APOL6: variants seen among roughly 807,000 people sequenced by gnomAD.
The protein encoded by APOL6 is apolipoprotein L6, also known as apolipoprotein L, 6.
APOL6 carries 1 observed loss-of-function variant against 2.4 expected under a neutral mutation model. The ratio of observed to expected loss-of-function variants is 0.41; its 90% confidence interval spans 0.15 to 1.94. The LOEUF is 1.94. Among genes scored for constraint, APOL6 ranks in the 30% most tolerant of loss-of-function variants. The pLI, the probability that APOL6 is intolerant of heterozygous loss-of-function variation, is 0.30. For synonymous variants in APOL6, 189 were observed against 169.3 expected (o/e 1.12, Z -0.90); for missense variants, 438 against 429.2 (o/e 1.02, Z -0.18).
Position 35,659,467 on chromosome 22 carries a change from AG to A in APOL6, c.907del (p.Val303TrpfsTer5), listed in dbSNP as rs1298203803. The stretch of plus-strand genomic sequence containing the variant: ...AGCAGAAAGTGAGGTCAAGGGCCAG[AG>A]GGGTGGGGAAGGATTTAACTGGGAC... ...LQQKVRSRAR[G>X]VGKDLTGTCE... On this transcript the variant is annotated frameshift_variant, in exon 3 of 3. Coordinates refer to ENST00000409652, the MANE Select transcript of APOL6 (RefSeq NM_030641.4). LOFTEE classifies it low-confidence loss of function (END_TRUNC). The A allele has an allele frequency of 4.3e-6, 7 of 1,609,596 alleles. No individual in the cohort carries two copies. Among genetic ancestry groups the A allele is most frequent in the Non-Finnish European group, 5.9e-6 (7 of 1,177,136 alleles).
intron 1 of APOL6, among the ~76,000 whole-genome samples, chr22:35,650,754 A>T (rs181172925): frequency 4.5e-4 from 68 of 152,014 alleles, no homozygotes; most frequent in African/African-American, 1.6e-3. Flanking sequence ...ACCTTGTGAA[A>T]CCCCATCTCT....
In APOL6 at chr22:35,664,551, T is replaced by G. The variant is rs1015505914; in HGVS notation, c.*4955T>G. 1 of 152,212 alleles carries G rather than the reference T, an allele frequency of 6.6e-6. No homozygotes were observed. Among genetic ancestry groups the G allele is most frequent in the Non-Finnish European group, 1.5e-5 (1 of 68,032 alleles). The allele number at this position is 152,212 out of a possible 1,614,324, so 9.4% of individuals were successfully genotyped here. A position where few individuals can be genotyped will look rare whatever the true frequency, so the allele number is the denominator to read the frequency against. Reference sequence around the variant, plus strand: ...AGTTAGGTCAAATCGTTTTTCACTGTCTCAGTTGTAATTTTGCAATGGAAG... The same window carrying G: ...AGTTAGGTCAAATCGTTTTTCACTGGCTCAGTTGTAATTTTGCAATGGAAG... On this transcript the variant is annotated 3_prime_UTR_variant, in exon 3 of 3. Transcript: ENST00000409652.
At chr22:35,649,496 G>C (rs970858692) in intron 1 of APOL6, among the ~76,000 whole-genome samples, 2 of 151,828 alleles carry the variant, frequency 1.3e-5, no homozygotes, top group Non-Finnish European at 2.9e-5. Context: ...AAAGTAAGCA[G>C]ATTTTTCTTA....
rs770077880 is a variant in APOL6 at position 35,665,534 on chromosome 22, A to C, written c.*5938A>C. 4.6e-5 allele frequency: 7 copies of C among 152,228 alleles called. No individual in the cohort carries two copies. Among genetic ancestry groups the C allele is most frequent in the Non-Finnish European group, 1.0e-4 (7 of 68,042 alleles). The allele number at this position is 152,228 out of a possible 1,614,324, so 9.4% of individuals were successfully genotyped here. Reference sequence around the variant, plus strand: ...AATCATTCAAGTCAAAGGCACACTGATGCAAAATCAGTATATGGACCCCTG... The same window carrying C: ...AATCATTCAAGTCAAAGGCACACTGCTGCAAAATCAGTATATGGACCCCTG... On this transcript the variant is annotated 3_prime_UTR_variant, in exon 3 of 3. Transcript: ENST00000409652.
At position 35,658,557 on chromosome 22, in the gene APOL6, C is replaced by T. The variant is rs530918238; in HGVS notation, c.51-58C>T. 9.0e-6 allele frequency: 13 copies of T among 1,449,876 alleles called. No individual in the cohort carries two copies. In the African/African-American group the frequency reaches 1.8e-4, roughly 21 times the overall value. The allele number at this position is 1,449,876 out of a possible 1,614,324, so 89.8% of individuals were successfully genotyped here. A position where few individuals can be genotyped will look rare whatever the true frequency, so the allele number is the denominator to read the frequency against. ...GAGAGTGGCAAGAATATCCAAGAGC[C>T]ACATGGGTTTTCCCATCTGGGAAGC... On this transcript the variant is annotated intron_variant, in intron 2 of 2. Coordinates refer to ENST00000409652, the MANE Select transcript of APOL6 (RefSeq NM_030641.4).
rs370523539 is a variant in APOL6, at chr22:35,659,497, C to A, written c.933C>A (p.Cys311Ter). The A allele has an allele frequency of 3.1e-6, 5 of 1,613,922 alleles. No individual in the cohort carries two copies. The highest frequency in any genetic ancestry group is 3.3e-5 in the Admixed American group (2 of 59,976). The change falls in exon 3 of 3, where the codon TGC (cysteine) becomes TGA (stop). Residue 311 changes from cysteine to a stop codon, truncating the protein, a stop_gained. Transcript: ENST00000409652. LOFTEE classifies it low-confidence loss of function (END_TRUNC). ...TGGGGAAGGATTTAACTGGGACCTG[C>A]GAAACCGAGGCTTACTGGAAGGAGT... The part of the protein sequence containing the change: ...RGVGKDLTGT[C>*]ETEAYWKELR...
At position 35,665,593 on chromosome 22, in the gene APOL6, C is replaced by T. The variant is rs1028409037; in HGVS notation, c.*5997C>T. 1 of 152,168 alleles carries T rather than the reference C, an allele frequency of 6.6e-6. No individual in the cohort carries two copies. The highest frequency in any genetic ancestry group is 1.5e-5 in the Non-Finnish European group (1 of 68,032). 9.4% of individuals were successfully genotyped at this position (152,168 alleles called of 1,614,324 possible). ...TAGCAAGGTTTTCTTGAAGCATTAA[C>T]CAACTCCTTCATAAAGGTTATAAAA... On this transcript the variant is annotated 3_prime_UTR_variant, in exon 3 of 3. Transcript: ENST00000409652.
At chr22:35,657,309 G>A (rs5755829) in intron 2 of APOL6, among the ~76,000 whole-genome samples, 5 of 152,134 alleles carry the variant, frequency 3.3e-5, no homozygotes, top group Non-Finnish European at 7.4e-5. Flanking sequence ...CCCATTGCAA[G>A]CCCTGGTGAC....
chr22:35,657,211 C>T (rs765221634), intron 2 of APOL6, among the ~76,000 whole-genome samples: 3 of 152,214 alleles, frequency 2.0e-5, no homozygotes, highest in Non-Finnish European at 4.4e-5. Context: ...TGAGGAAACA[C>T]AGAGATCAGG....
At chr22:35,651,561 C>A (rs529066598) in intron 1 of APOL6, among the ~76,000 whole-genome samples, 1 of 152,162 alleles carries the variant, frequency 6.6e-6, no homozygotes, top group Non-Finnish European at 1.5e-5. Context: ...CCCCACCCCA[C>A]AACAGGCCCC....
Position 35,662,119 on chromosome 22 carries a change from C to T in APOL6, c.*2523C>T, listed in dbSNP as rs1925044195. ...TTACCTTCCTTCTGGAGAAACTTCC[C>T]TTAATCAAATAAGAGAACTTCAAAG... On this transcript the variant is annotated 3_prime_UTR_variant, in exon 3 of 3. Coordinates refer to ENST00000409652, the MANE Select transcript of APOL6 (RefSeq NM_030641.4). The T allele has an allele frequency of 6.6e-6, 1 of 152,062 alleles. No homozygotes were observed. Among genetic ancestry groups the T allele is most frequent in the South Asian group, 2.1e-4 (1 of 4,816 alleles). 9.4% of individuals were successfully genotyped at this position (152,062 alleles called of 1,614,324 possible).
rs1053819958 is a variant in APOL6, at chr22:35,664,465, C to T, written c.*4869C>T. On this transcript the variant is annotated 3_prime_UTR_variant, in exon 3 of 3. Transcript: ENST00000409652. The stretch of plus-strand genomic sequence containing the variant: ...CTTAAACTAGGTTCCTCCCAAAGTT[C>T]ATTCGGCCTATGCCCAGGAATGAAC... The T allele has an allele frequency of 6.6e-6, 1 of 152,208 alleles. No homozygotes were observed. The highest frequency in any genetic ancestry group is 1.5e-5 in the Non-Finnish European group (1 of 68,046). The allele number at this position is 152,208 out of a possible 1,614,324, so 9.4% of individuals were successfully genotyped here.
intron 2 of APOL6, among the ~76,000 whole-genome samples, chr22:35,657,505 A>G (rs1390843321): frequency 6.6e-6 from 1 of 152,198 alleles, no homozygotes; most frequent in Non-Finnish European, 1.5e-5. Flanking sequence ...ATGGACATAC[A>G]TATACTTCAA....
chr22:35,658,711 G>A lies in APOL6; in HGVS notation c.147G>A (p.Leu49=). ...TATTTTTGAGAGAATTTCCCAGATT[G>A]AAAGAAGATCTGAAAGGGAACATTG... ...EKIFLREFPR[L]KEDLKGNIDK... Residue 49 remains leucine, a synonymous_variant, in exon 3 of 3, where the codon TTG becomes TTA. Coordinates refer to ENST00000409652, the MANE Select transcript of APOL6 (RefSeq NM_030641.4). 6.2e-7 allele frequency: 1 copy of A among 1,614,144 alleles called. No individual in the cohort carries two copies. Among genetic ancestry groups the A allele is most frequent in the Non-Finnish European group, 8.5e-7 (1 of 1,180,016 alleles).
At position 35,660,311 on chromosome 22, in the gene APOL6, C is replaced by G. The variant is rs1924987519; in HGVS notation, c.*715C>G. The G allele has an allele frequency of 6.6e-6, 1 of 152,360 alleles. No homozygotes were observed. The highest frequency in any genetic ancestry group is 6.5e-5 in the Admixed American group (1 of 15,280). The allele number at this position is 152,360 out of a possible 1,614,324, so 9.4% of individuals were successfully genotyped here. A position where few individuals can be genotyped will look rare whatever the true frequency, so the allele number is the denominator to read the frequency against. On this transcript the variant is annotated 3_prime_UTR_variant, in exon 3 of 3. Coordinates refer to ENST00000409652, the MANE Select transcript of APOL6 (RefSeq NM_030641.4). ...GGGCCTCCCCACCCCTGCTGCACACCTACACTGAAGGAAGGCTATTTGCAG... is the reference window on the plus strand; with the variant it reads ...GGGCCTCCCCACCCCTGCTGCACACGTACACTGAAGGAAGGCTATTTGCAG...
At position 35,667,935 on chromosome 22, in the gene APOL6, C is replaced by G. The variant is rs1925233074; in HGVS notation, c.*8339C>G. 1 of 152,202 alleles carries G rather than the reference C, an allele frequency of 6.6e-6. No homozygotes were observed. The highest frequency in any genetic ancestry group is 2.4e-5 in the African/African-American group (1 of 41,420). 9.4% of individuals were successfully genotyped at this position (152,202 alleles called of 1,614,324 possible). A position where few individuals can be genotyped will look rare whatever the true frequency, so the allele number is the denominator to read the frequency against. The stretch of plus-strand genomic sequence containing the variant: ...GGGCCAGGACACTCGAAAATTAAAC[C>G]TGAAAGACTGGTTCAGGCCATGATG... On this transcript the variant is annotated 3_prime_UTR_variant, in exon 3 of 3. Coordinates refer to ENST00000409652, the MANE Select transcript of APOL6 (RefSeq NM_030641.4).
In APOL6 at chr22:35,665,861, A is replaced by G. The variant is rs1312555100; in HGVS notation, c.*6265A>G. The G allele has an allele frequency of 1.3e-5, 2 of 152,154 alleles. No individual in the cohort carries two copies. Among genetic ancestry groups the G allele is most frequent in the African/African-American group, 4.8e-5 (2 of 41,446 alleles). The allele number at this position is 152,154 out of a possible 1,614,324, so 9.4% of individuals were successfully genotyped here. A position where few individuals can be genotyped will look rare whatever the true frequency, so the allele number is the denominator to read the frequency against. On this transcript the variant is annotated 3_prime_UTR_variant, in exon 3 of 3. Coordinates refer to ENST00000409652, the MANE Select transcript of APOL6 (RefSeq NM_030641.4). The stretch of plus-strand genomic sequence containing the variant: ...TATTTTGTAATGTCAAGTGTTTTAA[A>G]CCTTTTGTATTTGACAAGCTTTCCA...
intron 1 of APOL6, among the ~76,000 whole-genome samples, chr22:35,649,868 C>T (rs1303800208): frequency 2.6e-5 from 4 of 152,190 alleles, no homozygotes; most frequent in East Asian, 1.9e-4. Flanking sequence ...TCCTCTGCAT[C>T]GTAGGGTGCT....
Position 35,658,732 on chromosome 22 carries a change from C to A in APOL6, c.168C>A (p.Asn56Lys). 6.2e-7 allele frequency: 1 copy of A among 1,614,170 alleles called. No homozygotes were observed. The highest frequency in any genetic ancestry group is 8.5e-7 in the Non-Finnish European group (1 of 1,180,036). The change falls in exon 3 of 3, where the codon AAC becomes AAA. Residue 56 changes from asparagine to lysine, a missense_variant. Transcript: ENST00000409652. ...GATTGAAAGAAGATCTGAAAGGGAA[C>A]ATTGACAAGCTCCGTGCCCTCGCAG... ...FPRLKEDLKG[N>K]IDKLRALADD...
Sources: gnomAD v4.1 joint callset for allele counts (sites outside exome capture counted in the v4.1 genomes callset) on GRCh38, gnomAD v4.1.1 for gene constraint, MANE v1.5 for transcripts, NCBI Gene and HGNC (gene_info 2026-07-23, HGNC 2026-07-21) for gene names.